The following RAPGEF4 variants were observed in gnomAD, a reference collection of about 807,000 sequenced individuals.
The protein encoded by RAPGEF4 is RAP guanine-nucleotide-exchange factor (GEF) 4.
Under a neutral mutation model 147.9 loss-of-function variants are expected in RAPGEF4, and 66 were observed. The ratio of observed to expected loss-of-function variants is 0.45; its 90% CI spans 0.37 to 0.55. RAPGEF4 has a LOEUF of 0.55. Among genes scored for constraint, RAPGEF4 ranks in the 20% least tolerant of loss-of-function variants. The pLI, the probability that RAPGEF4 is intolerant of heterozygous loss-of-function variation, is 0.00. For synonymous variants in RAPGEF4, 419 were observed against 442.7 expected, an observed-to-expected ratio of 0.95 and a Z score of 0.67; for missense variants, 1,071 against 1,257.3, an observed-to-expected ratio of 0.85 and a Z score of 2.24.
At chr2:173,030,984 C>G (rs1174117597) in intron 26 of RAPGEF4, among the ~76,000 whole-genome samples, 13 of 152,134 alleles carry the variant, frequency 8.5e-5, no homozygotes, top group African/African-American at 2.9e-4. Context: ...ATAGAACATA[C>G]ATACAGAAAT....
chr2:172,852,028 A>G (rs1692897050), intron 4 of RAPGEF4, among the ~76,000 whole-genome samples: 1 of 152,228 alleles, frequency 6.6e-6, no homozygotes, highest in Non-Finnish European at 1.5e-5. Flanking sequence ...AATGTCTTTC[A>G]TGGATATTTT....
chr2:172,918,161 T>G (rs1411872897), intron 5 of RAPGEF4: 1 of 542,254 alleles, frequency 1.8e-6, no homozygotes, highest in Non-Finnish European at 3.4e-6. Context: ...TGAAATCCAG[T>G]GTTCTTTCTG....
intron 10 of RAPGEF4, among the ~76,000 whole-genome samples, chr2:172,980,470 GAAC>G (rs145558720): frequency 0.016 from 2,402 of 152,244 alleles, 60 homozygotes; most frequent in African/African-American, 0.055. Flanking sequence ...ATGGACAAAA[GAAC>G]AACAAACCAA....
At chr2:172,798,581 A>C (rs911096851) in intron 3 of RAPGEF4, among the ~76,000 whole-genome samples, 52 of 145,800 alleles carry the variant, frequency 3.6e-4, no homozygotes, top group Admixed American at 1.1e-3. Context: ...AAATTAAAGA[A>C]TTATTTAAAG....
chr2:173,051,907 C>T lies in RAPGEF4; in HGVS notation c.*140C>T. 1.1e-6 allele frequency: 1 copy of T among 927,142 alleles called. No individual in the cohort carries two copies. The highest frequency in any genetic ancestry group is 1.6e-6 in the Non-Finnish European group (1 of 623,716). The allele number at this position is 927,142 out of a possible 1,614,324, so 57.4% of individuals were successfully genotyped here. On this transcript the variant is annotated 3_prime_UTR_variant, in exon 31 of 31. Coordinates refer to ENST00000397081, the MANE Select transcript of RAPGEF4 (RefSeq NM_007023.4). ...CACATCCTGAGACACCTCAGGGCTG[C>T]ATTCAGCTTACCAGCTACCTAGCAA...
chr2:172,889,109 AT>A (rs1444546289), intron 4 of RAPGEF4, among the ~76,000 whole-genome samples: 2 of 152,204 alleles, frequency 1.3e-5, no homozygotes, highest in African/African-American at 4.8e-5. Context: ...GGAAAATCAT[AT>A]TTATCATCTC....
At chr2:172,775,220 G>C (rs990434187) in intron 1 of RAPGEF4, among the ~76,000 whole-genome samples, 10 of 152,298 alleles carry the variant, frequency 6.6e-5, no homozygotes, top group South Asian at 2.1e-4. Context: ...GCCATTTGCT[G>C]GCCCTTTGGG....
At chr2:172,783,466 C>T (rs143264304) in intron 1 of RAPGEF4, among the ~76,000 whole-genome samples, 4 of 152,192 alleles carry the variant, frequency 2.6e-5, no homozygotes, top group Non-Finnish European at 4.4e-5. Flanking sequence ...TCCCTAGTGG[C>T]GGCTGTGCAG....
intron 1 of RAPGEF4, among the ~76,000 whole-genome samples, chr2:172,787,203 C>T (rs1210673580): frequency 1.3e-5 from 2 of 152,004 alleles, no homozygotes; most frequent in African/African-American, 4.8e-5. Flanking sequence ...CAGAGTGAGA[C>T]TCTGTCTCAA....
At chr2:172,971,927 G>T (rs1428926088) in intron 10 of RAPGEF4, among the ~76,000 whole-genome samples, 2 of 152,076 alleles carry the variant, frequency 1.3e-5, no homozygotes, top group African/African-American at 4.8e-5. Flanking sequence ...TCCTGGAAAT[G>T]GTTTTTTTGT....
At chr2:172,796,106 A>G (rs149414890) in intron 2 of RAPGEF4, among the ~76,000 whole-genome samples, 1 of 152,306 alleles carries the variant, frequency 6.6e-6, no homozygotes, top group African/African-American at 2.4e-5. Context: ...TAGACCAATC[A>G]TGATTGCCCT....
At chr2:172,756,270 A>T (rs923520352) in intron 1 of RAPGEF4, among the ~76,000 whole-genome samples, 1 of 152,210 alleles carries the variant, frequency 6.6e-6, no homozygotes, top group Admixed American at 6.5e-5. Flanking sequence ...GAGGGACCTT[A>T]AGCAAAATGG....
At chr2:172,968,192 A>G (rs1309844949) in intron 10 of RAPGEF4, among the ~76,000 whole-genome samples, 2 of 152,186 alleles carry the variant, frequency 1.3e-5, no homozygotes, top group African/African-American at 4.8e-5. Context: ...GTTAGCGGTG[A>G]CTTGGCCCTT....
intron 4 of RAPGEF4, among the ~76,000 whole-genome samples, chr2:172,863,900 G>A (rs1184086133): frequency 6.7e-6 from 1 of 149,954 alleles, no homozygotes; most frequent in Non-Finnish European, 1.5e-5. Context: ...AATAATTAAA[G>A]CATATATAAG....
intron 6 of RAPGEF4, among the ~76,000 whole-genome samples, chr2:172,941,467 T>C (rs1201512022): frequency 3.9e-5 from 6 of 152,192 alleles, no homozygotes; most frequent in Admixed American, 3.3e-4. Flanking sequence ...ATGAAAAATA[T>C]TCACTTCACG....
At chr2:172,792,177 T>C (rs1034097612) in intron 1 of RAPGEF4, among the ~76,000 whole-genome samples, 3 of 152,222 alleles carry the variant, frequency 2.0e-5, no homozygotes, top group African/African-American at 4.8e-5. Context: ...CTTTACTGTC[T>C]GGGATCCCCC....
chr2:173,024,421 T>G (rs897719734), intron 23 of RAPGEF4, among the ~76,000 whole-genome samples: 1 of 150,148 alleles, frequency 6.7e-6, no homozygotes, highest in African/African-American at 2.4e-5. Context: ...GTTTCACCGT[T>G]TTAGCCAGGA....
intron 1 of RAPGEF4, among the ~76,000 whole-genome samples, chr2:172,746,031 T>A (rs181952577): frequency 6.6e-6 from 1 of 152,344 alleles, no homozygotes; most frequent in Admixed American, 6.5e-5. Flanking sequence ...ATAGATGGAT[T>A]GTGTTTCTTA....
chr2:172,854,381 A>G (rs919056884), intron 4 of RAPGEF4, among the ~76,000 whole-genome samples: 19 of 151,968 alleles, frequency 1.3e-4, no homozygotes, highest in Admixed American at 2.6e-4. Context: ...TTCATAGGAT[A>G]TTAATATAGT....
Sources: allele counts gnomAD v4.1 joint callset (sites outside exome capture counted in the v4.1 genomes callset), GRCh38; gene constraint gnomAD v4.1.1; transcripts MANE v1.5; gene names NCBI Gene and HGNC (gene_info 2026-07-23, HGNC 2026-07-21).